CCDC171: variants seen among roughly 807,000 people sequenced by gnomAD.
The protein encoded by CCDC171 is coiled-coil domain-containing protein 171.
CCDC171 carries 177 observed loss-of-function variants against 168.2 expected under a neutral mutation model. The ratio of observed to expected loss-of-function variants is 1.05; its 90% CI spans 0.93 to 1.19. The LOEUF (loss-of-function observed/expected upper bound fraction) is 1.19, where lower values mean the gene tolerates loss of function less well. Ranked by LOEUF, CCDC171 falls within the 50% of genes most tolerant of loss-of-function variation. CCDC171 has a pLI of 0.00. For synonymous variants in CCDC171, 687 were observed against 540.8 expected, an observed-to-expected ratio of 1.27 and a Z score of -3.75; for missense variants, 1,991 against 1,539.0, an observed-to-expected ratio of 1.29 and a Z score of -4.91.
chr9:15,846,787 A>T lies in CCDC171; in HGVS notation c.3353A>T (p.Asp1118Val), dbSNP rs1464971240. 6.2e-7 allele frequency: 1 copy of T among 1,612,076 alleles called. No individual in the cohort carries two copies. The highest frequency in any genetic ancestry group is 2.2e-5 in the East Asian group (1 of 44,818). The change falls in exon 22 of 26, where the codon GAC becomes GTC. Residue 1118 changes from aspartate (D) to valine (V), a missense_variant. Coordinates refer to ENST00000380701, the MANE Select transcript of CCDC171 (RefSeq NM_173550.4). ...AGACATCTTACCCAGCTGGAGCAGG[A>T]CAAGCGTCGACTGGAGGAGAACATC... is the stretch of plus-strand genomic sequence containing the variant. ...LNRHLTQLEQ[D>V]KRRLEENIHD... is the part of the protein sequence containing the mutation.
chr9:16,030,719 C>T (rs1428486281), intron 6 of CCDC171, among the ~76,000 whole-genome samples: 2 of 152,170 alleles, frequency 1.3e-5, no homozygotes, highest in Admixed American at 1.3e-4. Context: ...GGACCTGACT[C>T]ATTTCCCTTC....
At chr9:15,864,112 C>T (rs1478266691) in intron 23 of CCDC171, among the ~76,000 whole-genome samples, 1 of 151,972 alleles carries the variant, frequency 6.6e-6, no homozygotes. Context: ...TGTAAACTTT[C>T]AGTTAGCTTC....
At chr9:16,037,589 T>C (rs1240943888) in intron 8 of CCDC171, among the ~76,000 whole-genome samples, 2 of 152,072 alleles carry the variant, frequency 1.3e-5, no homozygotes, top group Non-Finnish European at 2.9e-5. Flanking sequence ...ATTCAAAGCA[T>C]AAAATTAGGA....
intron 18 of CCDC171, among the ~76,000 whole-genome samples, 198 bp downstream of exon 18, chr9:15,745,829 A>C (rs1244529462): frequency 1.3e-5 from 2 of 152,010 alleles, no homozygotes; most frequent in Non-Finnish European, 2.9e-5. Context: ...ATTTATGGGG[A>C]AATGACATTT....
At chr9:15,996,987 C>T (rs926719613) in intron 3 of CCDC171, among the ~76,000 whole-genome samples, 3 of 152,052 alleles carry the variant, frequency 2.0e-5, no homozygotes, top group African/African-American at 7.2e-5. Context: ...ACCTCATACT[C>T]TTTTATGATT....
chr9:15,803,453 G>T (rs1014260436), intron 21 of CCDC171, among the ~76,000 whole-genome samples: 2 of 151,982 alleles, frequency 1.3e-5, no homozygotes, highest in Non-Finnish European at 2.9e-5. Flanking sequence ...GTATAAGGAA[G>T]AGGTCCAGTT....
At chr9:15,936,690 G>A (rs551013913) in intron 25 of CCDC171, among the ~76,000 whole-genome samples, 2 of 152,066 alleles carry the variant, frequency 1.3e-5, no homozygotes, top group Admixed American at 6.6e-5. Flanking sequence ...GAGCCACTGC[G>A]CTCCAGGCAT....
intron 24 of CCDC171, among the ~76,000 whole-genome samples, chr9:15,884,900 G>A (rs1208136537): frequency 6.6e-6 from 1 of 152,184 alleles, no homozygotes; most frequent in East Asian, 1.9e-4. Flanking sequence ...AAAGGTTTTA[G>A]TGTTTTGACT....
At chr9:16,031,697 G>C (rs1025535512) in intron 6 of CCDC171, among the ~76,000 whole-genome samples, 1 of 152,166 alleles carries the variant, frequency 6.6e-6, no homozygotes, top group African/African-American at 2.4e-5. Flanking sequence ...AGCTGCAAGA[G>C]GTACACTGAA....
chr9:15,889,801 G>A (rs1431995501), intron 24 of CCDC171, among the ~76,000 whole-genome samples: 1 of 152,136 alleles, frequency 6.6e-6, no homozygotes, highest in Non-Finnish European at 1.5e-5. Flanking sequence ...ATTTTTTGAA[G>A]GATCTGGAGA....
chr9:15,926,478 C>A (rs532398825), intron 25 of CCDC171, among the ~76,000 whole-genome samples: 4 of 151,636 alleles, frequency 2.6e-5, no homozygotes, highest in Admixed American at 2.0e-4. Context: ...GATTCCACTT[C>A]TGACCATTTT....
chr9:15,613,840 T>A (rs169342), intron 6 of CCDC171, among the ~76,000 whole-genome samples: 81,298 of 152,070 alleles, frequency 0.53, 22,017 homozygotes, highest in East Asian at 0.77. Context: ...TGCATTTTTC[T>A]AATGACTAAT....
At chr9:15,880,463 C>CT (rs59892028) in intron 24 of CCDC171, among the ~76,000 whole-genome samples, 106,778 of 141,004 alleles carry the variant, frequency 0.76, 41,464 homozygotes, top group Non-Finnish European at 0.84. Context: ...CTCTCTCTCT[C>CT]TTTTTTTTTT....
At chr9:15,801,124 A>ATT (rs796619836) in intron 21 of CCDC171, among the ~76,000 whole-genome samples, 2 of 148,308 alleles carry the variant, frequency 1.3e-5, no homozygotes, top group African/African-American at 2.5e-5. Flanking sequence ...AAATTTTAGG[A>ATT]TTTTTTTTTT....
At chr9:15,728,450 A>AG (rs2053954721) in intron 15 of CCDC171, among the ~76,000 whole-genome samples, 4 of 152,240 alleles carry the variant, frequency 2.6e-5, no homozygotes, top group African/African-American at 7.2e-5. Flanking sequence ...TTCTTTGCTT[A>AG]GGAAATATAA....
the CCDC171 span, among the ~76,000 whole-genome samples, chr9:16,091,990 A>G: frequency 6.6e-6 from 1 of 152,200 alleles, no homozygotes; most frequent in African/African-American, 2.4e-5. Context: ...ACTGAGCCCA[A>G]TTCCAATCAG....
the CCDC171 span, among the ~76,000 whole-genome samples, chr9:16,074,691 C>T: frequency 2.6e-5 from 4 of 151,996 alleles, no homozygotes; most frequent in South Asian, 2.1e-4. Context: ...AAAGAGGTGG[C>T]AGAAGATATT....
intron 21 of CCDC171, among the ~76,000 whole-genome samples, chr9:15,835,903 A>G (rs2060426136): frequency 6.6e-6 from 1 of 152,188 alleles, no homozygotes; most frequent in African/African-American, 2.4e-5. Flanking sequence ...TATTAAAAAT[A>G]GTATGTTTTA....
chr9:15,793,961 C>T (rs1425082473), intron 21 of CCDC171, among the ~76,000 whole-genome samples: 1 of 151,830 alleles, frequency 6.6e-6, no homozygotes. Flanking sequence ...TGTTTTCAAA[C>T]CTTATTCCTT....
Sources: gnomAD v4.1 joint callset for allele counts (sites outside exome capture counted in the v4.1 genomes callset) on GRCh38, gnomAD v4.1.1 for gene constraint, MANE v1.5 for transcripts, NCBI Gene and HGNC (gene_info 2026-07-23, HGNC 2026-07-21) for gene names.